DYSF: variants seen among roughly 807,000 people sequenced by gnomAD.
The protein encoded by DYSF is dystrophy-associated fer-1-like 1.
DYSF carries 212 observed loss-of-function variants against 274.9 expected under a neutral mutation model. The observed-to-expected ratio is 0.77, with a 90% CI of 0.69 to 0.86. DYSF has a LOEUF of 0.86. Ranked by LOEUF, DYSF falls within the 40% of genes least tolerant of loss-of-function variation. The pLI, the probability that DYSF is intolerant of heterozygous loss-of-function variation, is 0.00. For synonymous variants in DYSF, 1,091 were observed against 1,078.7 expected (o/e 1.01, Z -0.22); for missense variants, 2,666 against 2,783.2 (o/e 0.96, Z 0.95).
intron 22 of DYSF, among the ~76,000 whole-genome samples, chr2:71,558,807 A>G (rs2091515100): frequency 6.6e-6 from 1 of 152,068 alleles, no homozygotes; most frequent in African/African-American, 2.4e-5. Flanking sequence ...TTGAGAATGC[A>G]TAATGCCTCT....
At chr2:71,563,129 G>C (rs1411451083) in intron 23 of DYSF, among the ~76,000 whole-genome samples, 1 of 152,186 alleles carries the variant, frequency 6.6e-6, no homozygotes, top group Non-Finnish European at 1.5e-5. Flanking sequence ...ACAAGTTCCT[G>C]GAAGCTGCTG....
intron 22 of DYSF, among the ~76,000 whole-genome samples, chr2:71,557,463 T>G (rs2091417284): frequency 6.6e-6 from 1 of 152,170 alleles, no homozygotes; most frequent in African/African-American, 2.4e-5. Context: ...TAAGGAGAGC[T>G]CAGCCCTGGG....
At chr2:71,530,758 C>T (rs554532627) in intron 14 of DYSF, among the ~76,000 whole-genome samples, 26 of 152,288 alleles carry the variant, frequency 1.7e-4, no homozygotes, top group Non-Finnish European at 2.4e-4. Context: ...GTCCCCGCTT[C>T]TGCTGCTCTT....
chr2:71,636,587 A>G (rs2094407319), intron 41 of DYSF, among the ~76,000 whole-genome samples: 1 of 152,166 alleles, frequency 6.6e-6, no homozygotes, highest in Non-Finnish European at 1.5e-5. Context: ...GTTCAGAGAT[A>G]GGAATCTGGA....
intron 52 of DYSF, among the ~76,000 whole-genome samples, chr2:71,674,985 T>C (rs181854624): frequency 2.6e-5 from 4 of 152,280 alleles, no homozygotes; most frequent in Non-Finnish European, 4.4e-5. Context: ...ATGAAAGCAA[T>C]GAAATACTGA....
chr2:71,593,613 C>T (rs1360623824), intron 32 of DYSF, among the ~76,000 whole-genome samples: 1 of 152,170 alleles, frequency 6.6e-6, no homozygotes, highest in Non-Finnish European at 1.5e-5. Context: ...AGCATTGCTT[C>T]CCTGAACGGT....
At chr2:71,569,789 A>G (rs1416399820) in intron 26 of DYSF, 31 bp from the exon 27 acceptor site, 1 of 1,572,874 alleles carries the variant, frequency 6.4e-7, no homozygotes, top group Non-Finnish European at 8.7e-7. Flanking sequence ...CCAGCAGAGC[A>G]GCAGAGACTC....
intron 20 of DYSF, 55 bp from the exon 21 acceptor site, chr2:71,553,752 A>AAACCCCCCCCC: frequency 3.7e-6 from 1 of 267,804 alleles, no homozygotes; most frequent in Non-Finnish European, 6.7e-6. Flanking sequence ...TTAGCACCCC[A>AAACCCCCCCCC]TCCCACCCGC....
chr2:71,532,241 A>G (rs191352275), intron 14 of DYSF, among the ~76,000 whole-genome samples: 37 of 152,360 alleles, frequency 2.4e-4, no homozygotes, highest in African/African-American at 8.9e-4. Flanking sequence ...TGTGACAAAC[A>G]TCAGCATACA....
At chr2:71,675,156 G>A (rs1393576701) in intron 52 of DYSF, among the ~76,000 whole-genome samples, 1 of 152,074 alleles carries the variant, frequency 6.6e-6, no homozygotes, top group Non-Finnish European at 1.5e-5. Flanking sequence ...GGGGGAGGGG[G>A]GATGGGGAGT....
At chr2:71,682,035 AG>A (rs1195320099) in intron 54 of DYSF, among the ~76,000 whole-genome samples, 1 of 152,138 alleles carries the variant, frequency 6.6e-6, no homozygotes, top group East Asian at 1.9e-4. Flanking sequence ...GCCTAGGGAA[AG>A]GTTTTGAGAT....
At position 71,513,819 on chromosome 2, in the gene DYSF, G is replaced by T; in HGVS notation, c.657G>T (p.Arg219Ser). 1 of 1,614,180 alleles carries T rather than the reference G, an allele frequency of 6.2e-7. No homozygotes were observed. The highest frequency in any genetic ancestry group is 8.5e-7 in the Non-Finnish European group (1 of 1,180,012). Residue 219 changes from arginine (R) to serine (S), a missense_variant, in exon 7 of 56, where the codon AGG becomes AGT. Arg to Ser is a moderately radical substitution (Grantham distance 110). This residue lies in a region of DYSF where 794 missense variants were observed against 777.1 expected (regional missense o/e 1.02). Transcript: ENST00000410020. ...GCCCGGGGGCTCCCACCACCCCAAGGAAACTACCTTCACGTCCTCCGCCCC... is the reference window on the plus strand; with the variant it reads ...GCCCGGGGGCTCCCACCACCCCAAGTAAACTACCTTCACGTCCTCCGCCCC... ...SGGPGAPTTP[R>S]KLPSRPPPHY...
chr2:71,467,154 CG>C (rs1573285027), intron 1 of DYSF, among the ~76,000 whole-genome samples: 2 of 152,176 alleles, frequency 1.3e-5, no homozygotes, highest in Non-Finnish European at 2.9e-5. Context: ...ATTGGAAAAG[CG>C]AAAGTGCCGT....
chr2:71,674,403 T>TGG, intron 52 of DYSF, 107 bp downstream of exon 52: 1 of 1,074,320 alleles, frequency 9.3e-7, no homozygotes, highest in Non-Finnish European at 1.4e-6. Context: ...GCAGGAGGAG[T>TGG]GATCCCACTT....
At chr2:71,537,386 C>T (rs562343364) in intron 16 of DYSF, among the ~76,000 whole-genome samples, 3 of 151,996 alleles carry the variant, frequency 2.0e-5, no homozygotes, top group African/African-American at 7.2e-5. Context: ...GCAGGGATTA[C>T]AGGCACACAC....
At position 71,686,596 on chromosome 2, in the gene DYSF, G is replaced by A; in HGVS notation, c.*104G>A. 1 of 1,376,222 alleles carries A rather than the reference G, an allele frequency of 7.3e-7. No homozygotes were observed. The highest frequency in any genetic ancestry group is 1.0e-6 in the Non-Finnish European group (1 of 971,594). The allele number at this position is 1,376,222 out of a possible 1,614,324, so 85.3% of individuals were successfully genotyped here. On this transcript the variant is annotated 3_prime_UTR_variant, in exon 56 of 56. Coordinates refer to ENST00000410020, the MANE Select transcript of DYSF (RefSeq NM_001130987.2). ...GAGCTCCTCCAGACCTCCTAGGCCT[G>A]ATTGTCCTGCCAGGGTGGGCAGACA...
chr2:71,515,644 G>C lies in DYSF; in HGVS notation c.781G>C (p.Gly261Arg). ...DFQIRVQVIE[G>R]RQLPGVNIKP... The stretch of plus-strand genomic sequence containing the variant: ...TCAGATCAGGGTCCAGGTGATCGAG[G>C]GGCGCCAGCTGCCGGGGGTGAACAT... The change falls in exon 8 of 56, where the codon GGG (glycine) becomes CGG (arginine). Residue 261 changes from glycine to arginine, a missense_variant. This residue lies in a region of DYSF where 794 missense variants were observed against 777.1 expected (regional missense o/e 1.02). Coordinates refer to ENST00000410020, the MANE Select transcript of DYSF (RefSeq NM_001130987.2). The C allele has an allele frequency of 1.9e-6, 3 of 1,613,944 alleles. No homozygotes were observed. The highest frequency in any genetic ancestry group is 2.5e-6 in the Non-Finnish European group (3 of 1,179,936).
rs180844551 is a variant in DYSF, at chr2:71,470,885, A to G, written c.91+3952A>G. Among the ~76,000 whole-genome samples, 1,179 of 148,412 alleles carry G rather than the reference A, an allele frequency of 7.9e-3. 17 individuals are homozygous for G. Among genetic ancestry groups the G allele is most frequent in the African/African-American group, 0.028 (1,121 of 40,272 alleles). Reference sequence around the variant, plus strand: ...CGGCTCATTGCAACCGCCGCCTCCCAGGTTCGAGTGATTCTCCTGCCTCAG... The same window carrying G: ...CGGCTCATTGCAACCGCCGCCTCCCGGGTTCGAGTGATTCTCCTGCCTCAG... On this transcript the variant is annotated intron_variant, in intron 1 of 55. Transcript: ENST00000410020.
chr2:71,678,205 C>T (rs188939253), intron 52 of DYSF, among the ~76,000 whole-genome samples: 205 of 152,128 alleles, frequency 1.3e-3, no homozygotes, highest in Non-Finnish European at 1.7e-3. Context: ...AGTTTAAGTA[C>T]GTATGTGTGG....
Sources: gnomAD v4.1 joint callset for allele counts (sites outside exome capture counted in the v4.1 genomes callset) on GRCh38, gnomAD v4.1.1 for gene constraint, gnomAD v4.1.1 regional missense constraint, MANE v1.5 for transcripts, NCBI Gene and HGNC (gene_info 2026-07-23, HGNC 2026-07-21) for gene names.